IMPG1: variants seen among roughly 807,000 people sequenced by gnomAD.
The protein encoded by IMPG1 is interphotoreceptor matrix proteoglycan 1, also known as interphotoreceptor matrix proteoglycan of 150 kDa.
In IMPG1, 85 loss-of-function variants were observed where a neutral mutation model predicts 92.0. The ratio of observed to expected loss-of-function variants is 0.92; its 90% CI spans 0.78 to 1.11. The LOEUF (loss-of-function observed/expected upper bound fraction) is 1.11. IMPG1 is among the 50% of genes least tolerant of loss of function. The pLI is 0.00. For synonymous variants in IMPG1, 367 were observed against 334.1 expected, an observed-to-expected ratio of 1.10 and a Z score of -1.08; for missense variants, 1,022 against 956.0, an observed-to-expected ratio of 1.07 and a Z score of -0.91.
At chr6:76,052,093 C>G (rs1444913558) in intron 1 of IMPG1, among the ~76,000 whole-genome samples, 1 of 152,024 alleles carries the variant, frequency 6.6e-6, no homozygotes, top group Non-Finnish European at 1.5e-5. Context: ...TGGGTAGGAA[C>G]AGAACTGAAG....
At chr6:76,036,067 C>T (rs898723260) in intron 2 of IMPG1, among the ~76,000 whole-genome samples, 1 of 152,228 alleles carries the variant, frequency 6.6e-6, no homozygotes, top group Middle Eastern at 3.4e-3. Context: ...TCCATCTGTT[C>T]CCATCTACTT....
chr6:76,059,867 G>A (rs985634928), intron 1 of IMPG1, among the ~76,000 whole-genome samples: 26 of 152,116 alleles, frequency 1.7e-4, no homozygotes, highest in African/African-American at 6.0e-4. Context: ...ACTGATCTGG[G>A]TACAATGGGT....
chr6:76,029,173 T>C (rs1481729466), intron 4 of IMPG1, among the ~76,000 whole-genome samples: 1 of 152,208 alleles, frequency 6.6e-6, no homozygotes, highest in Non-Finnish European at 1.5e-5. Flanking sequence ...AATGTCACTT[T>C]CTAACAGGTC....
At chr6:75,957,870 C>A (rs540358188) in intron 12 of IMPG1, among the ~76,000 whole-genome samples, 8 of 152,150 alleles carry the variant, frequency 5.3e-5, no homozygotes, top group African/African-American at 1.9e-4. Flanking sequence ...ATTTGTCAGT[C>A]TGTGTCTTTT....
chr6:75,977,041 A>G (rs1782549304), intron 12 of IMPG1, among the ~76,000 whole-genome samples: 1 of 152,128 alleles, frequency 6.6e-6, no homozygotes, highest in South Asian at 2.1e-4. Context: ...ATGATTGAAT[A>G]CCGGTAAATT....
intron 12 of IMPG1, among the ~76,000 whole-genome samples, chr6:75,964,544 G>GA (rs1782269781): frequency 6.6e-6 from 1 of 151,916 alleles, no homozygotes; most frequent in South Asian, 2.1e-4. Flanking sequence ...AGGTGTGGTG[G>GA]CGGGCGCCTG....
intron 12 of IMPG1, among the ~76,000 whole-genome samples, chr6:75,959,502 A>G (rs970472802): frequency 6.6e-6 from 1 of 152,120 alleles, no homozygotes; most frequent in Non-Finnish European, 1.5e-5. Flanking sequence ...TGTCCCAGGG[A>G]GATATGAGTT....
At position 75,921,860 on chromosome 6, in the gene IMPG1, G is replaced by A. The variant is rs1028240733; in HGVS notation, c.*229C>T. 1.7e-5 allele frequency: 6 copies of A among 350,488 alleles called. No individual in the cohort carries two copies. Among genetic ancestry groups the A allele is most frequent in the African/African-American group, 8.6e-5 (4 of 46,488 alleles). 21.7% of individuals were successfully genotyped at this position (350,488 alleles called of 1,614,324 possible). On this transcript the variant is annotated 3_prime_UTR_variant, in exon 17 of 17. Transcript: ENST00000369950. Reference sequence around the variant, plus strand: ...TCCAAGAATAGTAAAAATATGTTTCGCTGATTGCATTTGGGGTTTTAATAA... The same window carrying A: ...TCCAAGAATAGTAAAAATATGTTTCACTGATTGCATTTGGGGTTTTAATAA...
At chr6:75,953,409 C>T (rs941873028) in intron 12 of IMPG1, among the ~76,000 whole-genome samples, 6 of 151,602 alleles carry the variant, frequency 4.0e-5, no homozygotes, top group Admixed American at 1.3e-4. Context: ...TAATGTTATA[C>T]CTCCCCTATC....
At chr6:76,032,880 G>A (rs1211858283) in intron 4 of IMPG1, among the ~76,000 whole-genome samples, 1 of 152,134 alleles carries the variant, frequency 6.6e-6, no homozygotes, top group Non-Finnish European at 1.5e-5. Context: ...AATAATAATG[G>A]GGGCCAAGTT....
intron 12 of IMPG1, among the ~76,000 whole-genome samples, chr6:75,963,433 T>A (rs1416417880): frequency 6.8e-6 from 1 of 148,090 alleles, no homozygotes; most frequent in Non-Finnish European, 1.5e-5. Flanking sequence ...TTTGTTAATA[T>A]GATTTGACTT....
chr6:76,034,615 G>A lies in IMPG1; in HGVS notation c.468+6C>T, dbSNP rs775835985. 31 of 1,613,828 alleles carry A rather than the reference G, an allele frequency of 1.9e-5. No individual in the cohort carries two copies. Among genetic ancestry groups the A allele is most frequent in the Non-Finnish European group, 2.2e-5 (26 of 1,179,862 alleles). On this transcript the variant is annotated splice_donor_region_variant and intron_variant, in intron 3 of 16. Transcript: ENST00000369950. ...TTCCAAATAACCATGTGGTGTTTAG[G>A]CTCACCTGCTGGAGAAGATCCAGGT...
intron 1 of IMPG1, among the ~76,000 whole-genome samples, chr6:76,052,448 T>C: frequency 6.6e-6 from 1 of 152,330 alleles, no homozygotes; most frequent in South Asian, 2.1e-4. Flanking sequence ...ATGCAGCCTC[T>C]CGAATGACGT....
chr6:76,053,435 G>A lies in IMPG1; in HGVS notation c.68-11309C>T, dbSNP rs544234567. ...GGACAACAAGTAACAAGAATTCAGA[G>A]ACCCACTAAGAGCTTATAAAACAAA... On this transcript the variant is annotated intron_variant, in intron 1 of 16. Coordinates refer to ENST00000369950, the MANE Select transcript of IMPG1 (RefSeq NM_001563.4). Among the ~76,000 whole-genome samples the A allele has an allele frequency of 1.5e-3, 234 of 152,246 alleles. 1 individual carries two copies. Among genetic ancestry groups the A allele is most frequent in the Admixed American group, 2.4e-3 (37 of 15,286 alleles).
intron 15 of IMPG1, among the ~76,000 whole-genome samples, chr6:75,930,389 C>T (rs1320128010): frequency 6.6e-6 from 1 of 152,152 alleles, no homozygotes; most frequent in Non-Finnish European, 1.5e-5. Context: ...TGTACATAAA[C>T]ATGAACACCA....
chr6:75,966,326 C>T (rs1167190185), intron 12 of IMPG1, among the ~76,000 whole-genome samples: 1 of 152,082 alleles, frequency 6.6e-6, no homozygotes, highest in Non-Finnish European at 1.5e-5. Context: ...CCCTCTAAGA[C>T]TCATGTTGAA....
At chr6:76,010,276 C>T (rs758288249) in intron 8 of IMPG1, among the ~76,000 whole-genome samples, 1 of 152,208 alleles carries the variant, frequency 6.6e-6, no homozygotes, top group Non-Finnish European at 1.5e-5. Flanking sequence ...AGCCCACGCT[C>T]CCTGGTTTAC....
At chr6:75,928,567 A>C (rs553901772) in intron 15 of IMPG1, 2 of 152,328 alleles carry the variant, frequency 1.3e-5, no homozygotes, top group African/African-American at 4.8e-5. Context: ...TCAATTGCAG[A>C]TGGAAATGCT....
At chr6:75,957,263 G>C (rs1018112802) in intron 12 of IMPG1, among the ~76,000 whole-genome samples, 1 of 152,160 alleles carries the variant, frequency 6.6e-6, no homozygotes, top group African/African-American at 2.4e-5. Context: ...ATTGCATTGT[G>C]GTCTGAGAGG....
Sources: allele counts gnomAD v4.1 joint callset (sites outside exome capture counted in the v4.1 genomes callset), GRCh38; gene constraint gnomAD v4.1.1; transcripts MANE v1.5; gene names NCBI Gene and HGNC (gene_info 2026-07-23, HGNC 2026-07-21).